GPX5: variants seen among roughly 807,000 people sequenced by gnomAD.
The protein encoded by GPX5 is epididymal secretory glutathione peroxidase.
Under a neutral mutation model 23.8 loss-of-function variants are expected in GPX5, and 20 were observed. The ratio of observed to expected loss-of-function variants is 0.84; its 90% CI spans 0.59 to 1.22. GPX5 has a LOEUF of 1.22. Ranked by LOEUF, GPX5 falls within the 50% of genes most tolerant of loss-of-function variation. The probability of loss-of-function intolerance (pLI) is 0.00; values close to 1 mark genes in which losing one functional copy is unlikely to be tolerated. For synonymous variants in GPX5, 92 were observed against 99.5 expected (o/e 0.92, Z 0.45); for missense variants, 230 against 266.6 (o/e 0.86, Z 0.96).
chr6:28,527,123 A>G (rs907829331), intron 1 of GPX5: 5 of 152,264 alleles, frequency 3.3e-5, no homozygotes, highest in Non-Finnish European at 5.9e-5. Context: ...ATGGACTTCA[A>G]TAAATTTGAA....
chr6:28,531,389 AAAAAGAAAAGAAAAGAAAAG>A (rs1207321045), intron 2 of GPX5, among the ~76,000 whole-genome samples: 2 of 69,554 alleles, frequency 2.9e-5, no homozygotes, highest in Non-Finnish European at 5.4e-5. Context: ...AAAAAAAAAA[AAAAAGAAAAGAAAAGAAAAG>A]AAAAGAAAAG....
At chr6:28,527,230 G>A (rs1045452148) in intron 1 of GPX5, 1 of 151,952 alleles carries the variant, frequency 6.6e-6, no homozygotes, top group Non-Finnish European at 1.5e-5. Context: ...ATGACTGTGA[G>A]TGATTGTCAT....
chr6:28,531,015 A>C (rs1290141350), intron 2 of GPX5, among the ~76,000 whole-genome samples: 1 of 152,176 alleles, frequency 6.6e-6, no homozygotes, highest in Non-Finnish European at 1.5e-5. Context: ...TCAGCATATT[A>C]CTGAGGATTT....
At chr6:28,526,127 T>C (rs1451691114) in intron 1 of GPX5, 27 bp downstream of exon 1, 1 of 1,534,226 alleles carries the variant, frequency 6.5e-7, no homozygotes, top group South Asian at 1.1e-5. Context: ...GAGGGCATGG[T>C]AGTTACTCTT....
rs374384377 is a variant in GPX5, at chr6:28,526,227, CT to C, written c.87+135del. On this transcript the variant is annotated intron_variant, in intron 1 of 4. Transcript: ENST00000412168. ...TCTTTGCCAGTTCCCCTAAACCTTGCTTTTTTTTCTCCTTGAATCTTCTTCA... is the reference window on the plus strand; with the variant it reads ...TCTTTGCCAGTTCCCCTAAACCTTGCTTTTTTTCTCCTTGAATCTTCTTCA... 516 of 712,352 alleles carry C rather than the reference CT, an allele frequency of 7.2e-4. 3 individuals carry two copies. In the East Asian group the frequency reaches 0.011, roughly 15 times the overall value. The allele number at this position is 712,352 out of a possible 1,614,324, so 44.1% of individuals were successfully genotyped here. A position where few individuals can be genotyped will look rare whatever the true frequency, so the allele number is the denominator to read the frequency against.
intron 1 of GPX5, 141 bp downstream of exon 1, chr6:28,526,241 T>C: frequency 1.5e-6 from 1 of 666,602 alleles, no homozygotes; most frequent in Admixed American, 2.5e-5. Context: ...TTTTTCTCCT[T>C]GAATCTTCTT....
chr6:28,529,751 C>A (rs972302401), intron 2 of GPX5, 147 bp downstream of exon 2: 2 of 766,948 alleles, frequency 2.6e-6, no homozygotes, highest in Non-Finnish European at 3.9e-6. Context: ...TATCAGAAGT[C>A]AGCAAGCTTG....
At chr6:28,529,032 T>C (rs1295121639) in intron 1 of GPX5, among the ~76,000 whole-genome samples, 1 of 151,808 alleles carries the variant, frequency 6.6e-6, no homozygotes, top group Non-Finnish European at 1.5e-5. Flanking sequence ...TAAGTTATTA[T>C]TGACTATAGT....
At chr6:28,528,941 G>A (rs1763261631) in intron 1 of GPX5, among the ~76,000 whole-genome samples, 1 of 147,172 alleles carries the variant, frequency 6.8e-6, no homozygotes, top group Non-Finnish European at 1.5e-5. Context: ...TGGAAAATGG[G>A]GTATCCATCC....
intron 1 of GPX5, chr6:28,527,812 T>G (rs990305854): frequency 4.6e-5 from 7 of 152,220 alleles, no homozygotes; most frequent in Admixed American, 6.5e-5. Flanking sequence ...CATGTGCTGG[T>G]GAGCACTGTG....
intron 4 of GPX5, 32 bp downstream of exon 4, chr6:28,532,452 C>G (rs767033767): frequency 7.6e-7 from 1 of 1,317,688 alleles, no homozygotes; most frequent in African/African-American, 1.5e-5. Context: ...GCCTCCTCCT[C>G]TTTTCTAATA....
rs1363434606 is a variant in GPX5, at chr6:28,531,813, G to A, written c.277G>A (p.Gly93Ser). The A allele has an allele frequency of 8.7e-6, 14 of 1,613,538 alleles. No homozygotes were observed. Among genetic ancestry groups the A allele is most frequent in the Non-Finnish European group, 1.2e-5 (14 of 1,179,760 alleles). Residue 93 changes from glycine to serine, a missense_variant, in exon 3 of 5, where the codon GGT (glycine) becomes AGT (serine). Coordinates refer to ENST00000412168, the MANE Select transcript of GPX5 (RefSeq NM_001509.3). Reference protein sequence around the residue: ...NALQEELKPYGLVVLGFPCNQ... With the variant: ...NALQEELKPYSLVVLGFPCNQ... ...ACTCCAGGAGGAGCTGAAGCCCTATGGTCTAGTTGTGTTGGGCTTTCCCTG... is the reference window on the plus strand; with the variant it reads ...ACTCCAGGAGGAGCTGAAGCCCTATAGTCTAGTTGTGTTGGGCTTTCCCTG...
Position 28,534,047 on chromosome 6 carries a change from C to T in GPX5, c.546C>T (p.Asn182=). The T allele has an allele frequency of 1.2e-6, 2 of 1,611,474 alleles. No homozygotes were observed. The highest frequency in any genetic ancestry group is 1.7e-6 in the Non-Finnish European group (2 of 1,178,976). The change falls in exon 5 of 5, where the codon AAC becomes AAT. Residue 182 remains asparagine (N), a synonymous_variant. Coordinates refer to ENST00000412168, the MANE Select transcript of GPX5 (RefSeq NM_001509.3). The part of the protein sequence containing the change: ...DPVKVHDIRW[N]FEKFLVGPDG... ...TAAAGGTCCATGACATCCGTTGGAA[C>T]TTTGAAAAGTTCCTGGTGGGGCCTG...
chr6:28,526,540 G>A (rs1013972986), intron 1 of GPX5, among the ~76,000 whole-genome samples: 1 of 151,948 alleles, frequency 6.6e-6, no homozygotes, highest in Non-Finnish European at 1.5e-5. Flanking sequence ...AAGTTTTAAG[G>A]ATGGATAAAA....
At chr6:28,532,280 C>A in intron 3 of GPX5, 41 bp from the exon 4 acceptor site, 2 of 1,186,838 alleles carry the variant, frequency 1.7e-6, no homozygotes, top group African/African-American at 1.6e-5. Flanking sequence ...TCTTTACTTG[C>A]ATATCCTGGA....
chr6:28,530,217 A>G (rs1447445966), intron 2 of GPX5: 2 of 152,172 alleles, frequency 1.3e-5, no homozygotes, highest in African/African-American at 4.8e-5. Flanking sequence ...ATAGAAGCAA[A>G]TACTCCCTCT....
chr6:28,529,113 C>T (rs1455847326), intron 1 of GPX5, among the ~76,000 whole-genome samples: 6 of 150,394 alleles, frequency 4.0e-5, no homozygotes. Flanking sequence ...TCTCATTAAT[C>T]ATCCCAACCT....
At chr6:28,530,240 C>A (rs539893770) in intron 2 of GPX5, 32 of 152,106 alleles carry the variant, frequency 2.1e-4, no homozygotes, top group Non-Finnish European at 3.2e-4. Context: ...AACCTCAACC[C>A]CTTTTTAGGA....
At position 28,529,531 on chromosome 6, in the gene GPX5, C is replaced by T. The variant is rs1411177077; in HGVS notation, c.168C>T (p.Phe56=). ...TTAATAAGAATGAATATGTTTCCTT[C>T]AAGCAGTATGTGGGCAAGCACATCC... ...IALNKNEYVS[F]KQYVGKHILF... is the part of the protein sequence containing the mutation. The change falls in exon 2 of 5, where the codon TTC becomes TTT. Residue 56 remains phenylalanine, a synonymous_variant. Transcript: ENST00000412168. 1.2e-6 allele frequency: 2 copies of T among 1,613,560 alleles called. No homozygotes were observed. Among genetic ancestry groups the T allele is most frequent in the African/African-American group, 1.3e-5 (1 of 74,930 alleles).
Sources: gnomAD v4.1 joint callset for allele counts (sites outside exome capture counted in the v4.1 genomes callset) on GRCh38, gnomAD v4.1.1 for gene constraint, MANE v1.5 for transcripts, NCBI Gene and HGNC (gene_info 2026-07-23, HGNC 2026-07-21) for gene names.